The following NUP210L variants were observed in gnomAD, a reference collection of about 807,000 sequenced individuals.
The protein encoded by NUP210L is nucleoporin 210 like, also known as nuclear pore membrane glycoprotein 210-like.
Under a neutral mutation model 208.5 loss-of-function variants are expected in NUP210L, and 74 were observed. The observed-to-expected ratio is 0.35, with a 90% confidence interval of 0.29 to 0.43. The LOEUF (loss-of-function observed/expected upper bound fraction) is 0.43, where lower values mean the gene tolerates loss of function less well. NUP210L is among the 20% of genes least tolerant of loss of function. NUP210L has a pLI of 1.00. For missense variants in NUP210L, 1,843 were observed against 2,289.4 expected (o/e 0.81, Z 3.98); for synonymous variants, 780 against 816.9 (o/e 0.95, Z 0.77).
intron 33 of NUP210L, among the ~76,000 whole-genome samples, chr1:154,015,909 TAAATA>T (rs1651215050): frequency 1.4e-5 from 1 of 69,348 alleles, no homozygotes; most frequent in South Asian, 4.7e-4. Context: ...CCTGTCTCAA[TAAATA>T]AATAAATAAA....
At chr1:154,055,179 CTTTCTTTCTT>C (rs1557944438) in intron 23 of NUP210L, among the ~76,000 whole-genome samples, 1 of 103,820 alleles carries the variant, frequency 9.6e-6, no homozygotes, top group African/African-American at 3.5e-5. Flanking sequence ...TTCTTTCTTT[CTTTCTTTCTT>C]TTTCTTTCTT....
chr1:154,047,549 G>A (rs910947122), intron 25 of NUP210L, among the ~76,000 whole-genome samples: 2 of 152,236 alleles, frequency 1.3e-5, no homozygotes, highest in Non-Finnish European at 1.5e-5. Flanking sequence ...GCGTTCCTAA[G>A]CCACAAACAA....
At chr1:154,006,923 T>C (rs1382437460) in intron 35 of NUP210L, among the ~76,000 whole-genome samples, 2 of 112,228 alleles carry the variant, frequency 1.8e-5, no homozygotes, top group African/African-American at 5.9e-5. Context: ...TATACACATA[T>C]GTCTGTGTGT....
chr1:154,120,255 A>C (rs1297325245), intron 10 of NUP210L, among the ~76,000 whole-genome samples: 12 of 152,108 alleles, frequency 7.9e-5, no homozygotes, highest in Admixed American at 7.9e-4. Flanking sequence ...TCTTCTTGTA[A>C]ATTTGTTTGA....
At chr1:154,054,504 TC>T in intron 24 of NUP210L, 97 bp from the exon 25 acceptor site, 6 of 1,159,716 alleles carry the variant, frequency 5.2e-6, no homozygotes, top group Non-Finnish European at 6.3e-6. Flanking sequence ...TTCTTCATCT[TC>T]CCCCATTTCT....
At chr1:154,054,678 A>C in intron 24 of NUP210L, 92 bp downstream of exon 24, 3 of 971,048 alleles carry the variant, frequency 3.1e-6, no homozygotes, top group Non-Finnish European at 4.9e-6. Flanking sequence ...AGAGTAAATA[A>C]GAGATCAATA....
At chr1:154,127,553 C>A (rs1463457921) in intron 8 of NUP210L, 136 bp from the exon 9 acceptor site, 14 of 184,326 alleles carry the variant, frequency 7.6e-5, no homozygotes, top group East Asian at 1.1e-4. Flanking sequence ...AAAGTAGGTT[C>A]TTTTTTTTTT....
At chr1:154,119,591 AAAAC>A (rs916594128) in intron 10 of NUP210L, among the ~76,000 whole-genome samples, 6 of 152,270 alleles carry the variant, frequency 3.9e-5, no homozygotes, top group South Asian at 2.1e-4. Flanking sequence ...CTGGTCTCAA[AAAAC>A]AAACAAACAA....
chr1:154,027,109 AAC>A (rs1321938299), intron 29 of NUP210L, among the ~76,000 whole-genome samples: 8 of 150,910 alleles, frequency 5.3e-5, no homozygotes, highest in East Asian at 1.9e-4. Context: ...AAAAAAAAAA[AAC>A]AAAAAACACA....
At chr1:154,088,641 T>C (rs74632385) in intron 16 of NUP210L, among the ~76,000 whole-genome samples, 5,868 of 152,286 alleles carry the variant, frequency 0.039, 372 homozygotes, top group African/African-American at 0.13. Context: ...ACTGTTGTTC[T>C]TCATAATAAA....
chr1:154,053,735 T>C (rs567196409), intron 25 of NUP210L, among the ~76,000 whole-genome samples: 14 of 152,348 alleles, frequency 9.2e-5, no homozygotes, highest in African/African-American at 3.1e-4. Context: ...ATAGAAACAA[T>C]GCTTATCACT....
intron 10 of NUP210L, among the ~76,000 whole-genome samples, chr1:154,125,539 T>G (rs557248915): frequency 6.7e-6 from 1 of 149,678 alleles, no homozygotes; most frequent in South Asian, 2.1e-4. Context: ...GGAGGATTGC[T>G]TGAGCCTGGG....
intron 6 of NUP210L, among the ~76,000 whole-genome samples, chr1:154,136,835 G>A (rs1470943940): frequency 7.5e-6 from 1 of 134,150 alleles, no homozygotes. Flanking sequence ...CAGGAGAATC[G>A]TTTGAACCTG....
intron 38 of NUP210L, among the ~76,000 whole-genome samples, chr1:153,993,605 GTGT>G (rs958950304): frequency 4.7e-5 from 7 of 149,986 alleles, no homozygotes; most frequent in African/African-American, 1.7e-4. Context: ...GTAGACAATA[GTGT>G]TGTGTTAATT....
chr1:154,043,743 C>T (rs1653021873), intron 27 of NUP210L, among the ~76,000 whole-genome samples: 1 of 151,094 alleles, frequency 6.6e-6, no homozygotes, highest in South Asian at 2.1e-4. Context: ...TCTTCTGCTT[C>T]CGCCTCTCAA....
chr1:154,111,845 C>A (rs1016915585), intron 12 of NUP210L, among the ~76,000 whole-genome samples: 5 of 151,756 alleles, frequency 3.3e-5, no homozygotes, highest in African/African-American at 1.2e-4. Context: ...AAACAAAACA[C>A]TACAGGCCAA....
At chr1:154,121,862 C>T (rs1657630322) in intron 10 of NUP210L, among the ~76,000 whole-genome samples, 1 of 148,586 alleles carries the variant, frequency 6.7e-6, no homozygotes, top group Non-Finnish European at 1.5e-5. Context: ...AAGACTCCAT[C>T]TCAAAAAAAA....
chr1:154,055,171 CTTTCTTTCTT>C (rs1399306344), intron 23 of NUP210L, among the ~76,000 whole-genome samples: 3 of 116,386 alleles, frequency 2.6e-5, no homozygotes, highest in Non-Finnish European at 3.7e-5. Flanking sequence ...TTCTTTCTTT[CTTTCTTTCTT>C]TCTTTCTTTT....
At chr1:154,100,115 A>G in exon 14 of NUP210L, 1 of 1,613,344 alleles carries the variant, frequency 6.2e-7, no homozygotes, top group Non-Finnish European at 8.5e-7. Flanking sequence ...GTGTACTGGA[A>G]CAATGCATTG....
Sources: gnomAD v4.1 joint callset for allele counts (sites outside exome capture counted in the v4.1 genomes callset) on GRCh38, gnomAD v4.1.1 for gene constraint, MANE v1.5 for transcripts, NCBI Gene and HGNC (gene_info 2026-07-23, HGNC 2026-07-21) for gene names.